HS6ST3: variants seen among roughly 807,000 people sequenced by gnomAD.
The protein encoded by HS6ST3 is heparan-sulfate 6-O-sulfotransferase 3.
A neutral mutation model predicts 36.7 loss-of-function variants in HS6ST3; 12 were observed. The observed-to-expected ratio is 0.33, with a 90% CI of 0.21 to 0.53. The LOEUF is 0.53. Ranked by LOEUF, HS6ST3 falls within the 20% of genes least tolerant of loss-of-function variation. The pLI, the probability that HS6ST3 is intolerant of heterozygous loss-of-function variation, is 0.95. For synonymous variants in HS6ST3, 240 were observed against 257.5 expected (o/e 0.93, Z 0.65); for missense variants, 584 against 640.9 (o/e 0.91, Z 0.96).
At chr13:96,202,522 ATCATTTGTG>A (rs1218294000) in intron 1 of HS6ST3, among the ~76,000 whole-genome samples, 2 of 152,112 alleles carry the variant, frequency 1.3e-5, no homozygotes. Flanking sequence ...CTGCCCTGTG[ATCATTTGTG>A]CTTCAGCATC....
intron 1 of HS6ST3, among the ~76,000 whole-genome samples, chr13:96,586,041 T>C (rs1025510160): frequency 2.0e-5 from 3 of 152,176 alleles, no homozygotes; most frequent in Non-Finnish European, 2.9e-5. Context: ...TATATAAGGG[T>C]TTATTTTTTC....
intron 1 of HS6ST3, among the ~76,000 whole-genome samples, chr13:96,442,039 T>C (rs1322023376): frequency 1.3e-5 from 2 of 151,128 alleles, no homozygotes; most frequent in Non-Finnish European, 2.9e-5. Flanking sequence ...TTTTTTTTTT[T>C]CAGACAGAGT....
chr13:96,618,239 C>A, intron 1 of HS6ST3, among the ~76,000 whole-genome samples: 1 of 152,112 alleles, frequency 6.6e-6, no homozygotes, highest in South Asian at 2.1e-4. Context: ...GCTGGAACTA[C>A]AGGTGTGCAC....
chr13:96,543,313 G>C (rs1027157941), intron 1 of HS6ST3, among the ~76,000 whole-genome samples: 4 of 152,130 alleles, frequency 2.6e-5, no homozygotes, highest in African/African-American at 9.7e-5. Flanking sequence ...CAGGTTGTCT[G>C]CTCATCTGGT....
At chr13:96,602,788 G>C in intron 1 of HS6ST3, among the ~76,000 whole-genome samples, 1 of 152,176 alleles carries the variant, frequency 6.6e-6, no homozygotes, top group East Asian at 1.9e-4. Context: ...GGTTCTGCCT[G>C]TTGCTGTATT....
chr13:96,724,695 T>A (rs1320973235), intron 1 of HS6ST3, among the ~76,000 whole-genome samples: 3 of 152,234 alleles, frequency 2.0e-5, no homozygotes, highest in African/African-American at 7.2e-5. Context: ...CTATATTTTG[T>A]GTACATCAAT....
chr13:96,441,838 A>G (rs1468229035), intron 1 of HS6ST3, among the ~76,000 whole-genome samples: 24 of 152,164 alleles, frequency 1.6e-4, no homozygotes, highest in Admixed American at 1.3e-3. Flanking sequence ...GAAACAAGAG[A>G]AAAAGATAAG....
intron 1 of HS6ST3, among the ~76,000 whole-genome samples, chr13:96,692,713 A>C (rs1417779714): frequency 2.6e-5 from 4 of 152,154 alleles, no homozygotes; most frequent in Non-Finnish European, 5.9e-5. Flanking sequence ...TTTTTCTGGA[A>C]TAGCTTTTAT....
chr13:96,358,530 A>G (rs1287777193), intron 1 of HS6ST3, among the ~76,000 whole-genome samples: 1 of 152,170 alleles, frequency 6.6e-6, no homozygotes, highest in Non-Finnish European at 1.5e-5. Context: ...TAAAAAAATT[A>G]ATGTCATAAA....
intron 1 of HS6ST3, among the ~76,000 whole-genome samples, chr13:96,638,839 C>T (rs2056558933): frequency 6.6e-6 from 1 of 151,578 alleles, no homozygotes. Flanking sequence ...TGTAATCACA[C>T]TATACTATAG....
intron 1 of HS6ST3, among the ~76,000 whole-genome samples, chr13:96,173,478 C>T (rs1279867627): frequency 1.3e-5 from 2 of 152,018 alleles, no homozygotes; most frequent in Admixed American, 6.6e-5. Context: ...CTATAAAGAG[C>T]TTGAGAGCTA....
intron 1 of HS6ST3, among the ~76,000 whole-genome samples, chr13:96,268,299 AGGCCTCAGGAAACTTACAATCAC>A (rs1250140566): frequency 6.6e-6 from 1 of 151,934 alleles, no homozygotes; most frequent in African/African-American, 2.4e-5. Context: ...AGGGCTGGGG[AGGCCTCAGGAAACTTACAATCAC>A]GGCAGGGGAA....
chr13:96,648,128 G>A (rs1012804471), intron 1 of HS6ST3, among the ~76,000 whole-genome samples: 2 of 151,976 alleles, frequency 1.3e-5, no homozygotes, highest in African/African-American at 4.8e-5. Context: ...GGCCATGATG[G>A]AGCTTTTATA....
At chr13:96,360,150 A>T (rs1224564732) in intron 1 of HS6ST3, among the ~76,000 whole-genome samples, 1 of 152,134 alleles carries the variant, frequency 6.6e-6, no homozygotes, top group Non-Finnish European at 1.5e-5. Context: ...TAGCCCTGTC[A>T]TTGAAGGATG....
intron 1 of HS6ST3, among the ~76,000 whole-genome samples, chr13:96,697,449 A>G (rs1019847509): frequency 1.3e-5 from 2 of 152,084 alleles, no homozygotes; most frequent in East Asian, 1.9e-4. Context: ...AGATAATGCA[A>G]TAAACTTTTT....
chr13:96,339,664 C>A (rs12583999), intron 1 of HS6ST3, among the ~76,000 whole-genome samples: 29,669 of 152,160 alleles, frequency 0.19, 3,680 homozygotes, highest in South Asian at 0.27. Context: ...TGTTCTTCAG[C>A]CAGTGGATTA....
At chr13:96,394,576 T>A (rs2389664) in intron 1 of HS6ST3, among the ~76,000 whole-genome samples, 125,434 of 151,934 alleles carry the variant, frequency 0.83, 52,145 homozygotes, top group Non-Finnish European at 0.87. Flanking sequence ...TTTAGAGGTG[T>A]TATGGACCGT....
chr13:96,787,455 A>G (rs996270144), intron 1 of HS6ST3, among the ~76,000 whole-genome samples: 1 of 151,892 alleles, frequency 6.6e-6, no homozygotes, highest in Admixed American at 6.6e-5. Flanking sequence ...GTATATATGT[A>G]TTTACTTTAG....
intron 1 of HS6ST3, among the ~76,000 whole-genome samples, chr13:96,527,417 C>CA (rs2056118529): frequency 6.6e-6 from 1 of 152,054 alleles, no homozygotes; most frequent in Non-Finnish European, 1.5e-5. Context: ...GCAAATAAAA[C>CA]AAAGTCTTAG....
Sources: allele counts gnomAD v4.1 joint callset (sites outside exome capture counted in the v4.1 genomes callset), GRCh38; gene constraint gnomAD v4.1.1; transcripts MANE v1.5; gene names NCBI Gene and HGNC (gene_info 2026-07-23, HGNC 2026-07-21).